OSBPL10: variants seen among roughly 807,000 people sequenced by gnomAD.
The protein encoded by OSBPL10 is oxysterol-binding protein-related protein 10.
OSBPL10 carries 49 observed loss-of-function variants against 81.7 expected under a neutral mutation model. The ratio of observed to expected loss-of-function variants is 0.60; its 90% CI spans 0.48 to 0.76. The LOEUF (loss-of-function observed/expected upper bound fraction) is 0.76. Ranked by LOEUF, OSBPL10 falls within the 30% of genes least tolerant of loss-of-function variation. The pLI, the probability that OSBPL10 is intolerant of heterozygous loss-of-function variation, is 0.00. For missense variants in OSBPL10, 923 were observed against 987.8 expected (o/e 0.93, Z 0.88); for synonymous variants, 419 against 383.6 (o/e 1.09, Z -1.08).
chr3:31,793,768 T>G (rs529131521), intron 4 of OSBPL10, among the ~76,000 whole-genome samples: 38 of 152,340 alleles, frequency 2.5e-4, no homozygotes, highest in African/African-American at 9.1e-4. Context: ...AAAAAGTGGT[T>G]TTTTGACTAT....
intron 1 of OSBPL10, among the ~76,000 whole-genome samples, chr3:31,947,596 C>A (rs1283828219): frequency 6.6e-6 from 1 of 152,128 alleles, no homozygotes; most frequent in Non-Finnish European, 1.5e-5. Flanking sequence ...GGTACTCAGG[C>A]AGGGCATGGG....
At chr3:31,730,168 C>T (rs993797826) in intron 6 of OSBPL10, among the ~76,000 whole-genome samples, 1 of 152,084 alleles carries the variant, frequency 6.6e-6, no homozygotes, top group African/African-American at 2.4e-5. Flanking sequence ...TGGTGAAACC[C>T]CGTCTCTACT....
chr3:31,662,297 G>A, intron 11 of OSBPL10, 181 bp from the exon 12 acceptor site: 1 of 1,357,720 alleles, frequency 7.4e-7, no homozygotes, highest in South Asian at 1.9e-5. Flanking sequence ...AGATGACCTT[G>A]ACCTTCCTAC....
intron 2 of OSBPL10, among the ~76,000 whole-genome samples, chr3:31,878,501 G>A (rs186835427): frequency 6.6e-6 from 1 of 152,280 alleles, no homozygotes; most frequent in East Asian, 1.9e-4. Flanking sequence ...TTTTTGGATT[G>A]TTTTATAGAT....
At chr3:31,965,828 AT>A (rs1465299385) in intron 1 of OSBPL10, among the ~76,000 whole-genome samples, 14 of 82,406 alleles carry the variant, frequency 1.7e-4, no homozygotes, top group East Asian at 7.9e-4. Flanking sequence ...TATTATATAA[AT>A]ATATAATATA....
intron 1 of OSBPL10, among the ~76,000 whole-genome samples, chr3:31,971,976 A>G (rs1698578844): frequency 1.3e-5 from 2 of 152,168 alleles, no homozygotes; most frequent in East Asian, 1.9e-4. Context: ...GGCATTTGAC[A>G]TATACATAAA....
chr3:32,025,175 T>C (rs1334391183), intron 2 of OSBPL10, among the ~76,000 whole-genome samples: 1 of 152,194 alleles, frequency 6.6e-6, no homozygotes, highest in Non-Finnish European at 1.5e-5. Flanking sequence ...CCCCTCTATC[T>C]TGTTTGATGA....
At chr3:31,855,878 G>GA (rs1342354525) in intron 3 of OSBPL10, among the ~76,000 whole-genome samples, 2 of 152,004 alleles carry the variant, frequency 1.3e-5, no homozygotes, top group African/African-American at 4.8e-5. Context: ...GCTAGCGATG[G>GA]AAAATCACCC....
chr3:31,827,570 A>G (rs928274279), intron 4 of OSBPL10, among the ~76,000 whole-genome samples: 3 of 151,984 alleles, frequency 2.0e-5, no homozygotes, highest in Non-Finnish European at 4.4e-5. Context: ...CGGGAGGCAG[A>G]GCTTGCACTG....
chr3:31,759,353 T>C (rs573273349), intron 4 of OSBPL10, among the ~76,000 whole-genome samples: 2 of 152,262 alleles, frequency 1.3e-5, no homozygotes, highest in Middle Eastern at 3.4e-3. Flanking sequence ...GGACACAAGG[T>C]TGGCCTCCCT....
chr3:31,713,137 T>TC (rs1346105767), intron 6 of OSBPL10, among the ~76,000 whole-genome samples: 1 of 152,168 alleles, frequency 6.6e-6, no homozygotes. Context: ...CTGAAAGCCC[T>TC]CTCCTCTTGA....
intron 4 of OSBPL10, among the ~76,000 whole-genome samples, chr3:31,751,205 A>G (rs1440704428): frequency 3.3e-5 from 5 of 152,008 alleles, no homozygotes; most frequent in Admixed American, 1.3e-4. Context: ...ACAAAGTTAG[A>G]CAGGCATGGT....
intron 2 of OSBPL10, among the ~76,000 whole-genome samples, chr3:31,993,798 G>A (rs1034472039): frequency 2.0e-5 from 3 of 151,994 alleles, no homozygotes; most frequent in Non-Finnish European, 4.4e-5. Context: ...AGTCACTTTG[G>A]AAAACAGTTT....
At chr3:31,932,181 GT>G (rs1458354518) in intron 1 of OSBPL10, among the ~76,000 whole-genome samples, 1 of 152,044 alleles carries the variant, frequency 6.6e-6, no homozygotes, top group African/African-American at 2.4e-5. Flanking sequence ...AGAAAAAAAA[GT>G]TTAAGAAAAC....
intron 1 of OSBPL10, among the ~76,000 whole-genome samples, chr3:31,925,507 G>A (rs1697047272): frequency 6.6e-6 from 1 of 150,900 alleles, no homozygotes; most frequent in Non-Finnish European, 1.5e-5. Flanking sequence ...TGAGTGAAAG[G>A]AGTGCTATTA....
At chr3:31,855,274 G>A (rs1700881465) in intron 3 of OSBPL10, among the ~76,000 whole-genome samples, 1 of 152,128 alleles carries the variant, frequency 6.6e-6, no homozygotes, top group Non-Finnish European at 1.5e-5. Context: ...CATACACCAG[G>A]TCTCCCAAAA....
intron 4 of OSBPL10, among the ~76,000 whole-genome samples, chr3:31,826,620 A>C (rs1427958325): frequency 6.6e-6 from 1 of 152,188 alleles, no homozygotes; most frequent in African/African-American, 2.4e-5. Context: ...TTCTGTGGTC[A>C]TAAGTTTATC....
intron 10 of OSBPL10, among the ~76,000 whole-genome samples, chr3:31,667,166 G>T (rs961517535): frequency 1.3e-5 from 2 of 152,272 alleles, no homozygotes; most frequent in Non-Finnish European, 2.9e-5. Flanking sequence ...GTCATGTCAT[G>T]ATATGAACCA....
chr3:32,039,428 G>A (rs1367294173), intron 2 of OSBPL10, among the ~76,000 whole-genome samples: 3 of 151,606 alleles, frequency 2.0e-5, no homozygotes, highest in South Asian at 2.1e-4. Flanking sequence ...AGGCCGAGGC[G>A]GGCAGATAAC....
Sources: gnomAD v4.1 joint callset for allele counts (sites outside exome capture counted in the v4.1 genomes callset) on GRCh38, gnomAD v4.1.1 for gene constraint, MANE v1.5 for transcripts, NCBI Gene and HGNC (gene_info 2026-07-23, HGNC 2026-07-21) for gene names.